CASR: variants seen among roughly 807,000 people sequenced by gnomAD.
CASR encodes the protein calcium sensing receptor.
In CASR, 23 loss-of-function variants were observed where a neutral mutation model predicts 69.1. That is an observed-to-expected ratio of 0.33 (90% CI 0.24 to 0.47). The LOEUF (loss-of-function observed/expected upper bound fraction) is 0.47. Ranked by LOEUF, CASR falls within the 20% of genes least tolerant of loss-of-function variation. CASR has a pLI of 1.00. For missense variants in CASR, 924 were observed against 1,356.1 expected (o/e 0.68, Z 5.00); for synonymous variants, 541 against 544.7 (o/e 0.99, Z 0.10).
At chr3:122,185,308 C>T (rs905002718) in intron 1 of CASR, among the ~76,000 whole-genome samples, 1 of 152,146 alleles carries the variant, frequency 6.6e-6, no homozygotes, top group African/African-American at 2.4e-5. Flanking sequence ...ATTCTTTATC[C>T]AGAAAATGAT....
chr3:122,269,801 A>G (rs1056559403), intron 4 of CASR, among the ~76,000 whole-genome samples: 3 of 151,942 alleles, frequency 2.0e-5, no homozygotes, highest in African/African-American at 7.3e-5. Context: ...CTTTGGCAGC[A>G]CTCATCAGTG....
At position 122,234,108 on chromosome 3, in the gene CASR, A is replaced by G. The variant is rs189843848; in HGVS notation, c.-242-19840A>G. Reference sequence around the variant, plus strand: ...CACATCAGGCGCATAACTGTTTCCAAAGTCATGGAAATGTCCAGTTCATGG... The same window carrying G: ...CACATCAGGCGCATAACTGTTTCCAGAGTCATGGAAATGTCCAGTTCATGG... On this transcript the variant is annotated intron_variant, in intron 1 of 6. Transcript: ENST00000639785. Among the ~76,000 whole-genome samples, 317 of 152,330 alleles carry G rather than the reference A, an allele frequency of 2.1e-3. 1 individual carries two copies. Among genetic ancestry groups the G allele is most frequent in the African/African-American group, 7.4e-3 (309 of 41,568 alleles).
intron 1 of CASR, among the ~76,000 whole-genome samples, chr3:122,201,166 T>A (rs1469438112): frequency 6.6e-6 from 1 of 152,182 alleles, no homozygotes; most frequent in African/African-American, 2.4e-5. Context: ...AGTGTTTGTG[T>A]CCCTGGGTAC....
intron 1 of CASR, among the ~76,000 whole-genome samples, chr3:122,237,420 T>C (rs936541566): frequency 1.3e-5 from 2 of 152,158 alleles, no homozygotes; most frequent in Admixed American, 6.5e-5. Flanking sequence ...GTCTTTAAAA[T>C]TCCACAGAGC....
intron 1 of CASR, among the ~76,000 whole-genome samples, chr3:122,226,711 T>A (rs150726534): frequency 0.021 from 3,228 of 152,238 alleles, 102 homozygotes; most frequent in African/African-American, 0.074. Context: ...CACAGAGTGC[T>A]GATTGGTGCA....
At chr3:122,201,008 T>A (rs1287915880) in intron 1 of CASR, among the ~76,000 whole-genome samples, 5 of 147,078 alleles carry the variant, frequency 3.4e-5, no homozygotes, top group Admixed American at 2.7e-4. Context: ...TTTTTTTATT[T>A]TTTTTTTTTT....
intron 1 of CASR, among the ~76,000 whole-genome samples, chr3:122,201,651 ACGGGGCGGC>A (rs1559935886): frequency 2.4e-5 from 2 of 82,168 alleles, no homozygotes; most frequent in African/African-American, 3.8e-5. Flanking sequence ...TCCCTCCCGG[ACGGGGCGGC>A]TGGCCAGGCG....
At chr3:122,191,287 A>C (rs931848382) in intron 1 of CASR, among the ~76,000 whole-genome samples, 1 of 152,122 alleles carries the variant, frequency 6.6e-6, no homozygotes, top group African/African-American at 2.4e-5. Context: ...TAAACATTTA[A>C]AATACTTGGG....
intron 1 of CASR, among the ~76,000 whole-genome samples, chr3:122,193,874 G>C (rs962218915): frequency 6.6e-6 from 1 of 152,042 alleles, no homozygotes; most frequent in Non-Finnish European, 1.5e-5. Flanking sequence ...TGACAACCCC[G>C]AAAGGAGGGT....
rs768660050 is a variant in CASR at position 122,283,797 on chromosome 3, G to T, written c.1843G>T (p.Ala615Ser). 1 of 1,614,036 alleles carries T rather than the reference G, an allele frequency of 6.2e-7. No homozygotes were observed. The highest frequency in any genetic ancestry group is 8.5e-7 in the Non-Finnish European group (1 of 1,179,982). Reference sequence around the variant, plus strand: ...GTCGTGGACGGAGCCCTTTGGGATCGCACTCACCCTCTTTGCCGTGCTGGG... The same window carrying T: ...GTCGTGGACGGAGCCCTTTGGGATCTCACTCACCCTCTTTGCCGTGCTGGG... ...FLSWTEPFGI[A>S]LTLFAVLGIF... The change falls in exon 7 of 7, where the codon GCA becomes TCA. Residue 615 changes from alanine to serine, a missense_variant. By Grantham distance (99) the Ala-to-Ser change is moderately conservative (BLOSUM62 1). Transcript: ENST00000639785.
chr3:122,264,109 G>GAAAAAAAAAAAAAAAAAAAAAA (rs35559285), intron 4 of CASR, among the ~76,000 whole-genome samples: 1 of 145,682 alleles, frequency 6.9e-6, no homozygotes. Context: ...GGACCTGTGA[G>GAAAAAAAAAAAAAAAAAAAAAA]AAAAAAAAAA....
intron 1 of CASR, among the ~76,000 whole-genome samples, chr3:122,243,158 G>A (rs1312787424): frequency 6.6e-6 from 1 of 152,056 alleles, no homozygotes; most frequent in African/African-American, 2.4e-5. Flanking sequence ...GGCAGCCAAA[G>A]CAAAACTGGA....
chr3:122,225,238 C>T (rs943423285), intron 1 of CASR, among the ~76,000 whole-genome samples: 1 of 151,906 alleles, frequency 6.6e-6, no homozygotes, highest in Non-Finnish European at 1.5e-5. Flanking sequence ...AAGGGAAGAG[C>T]TGCTTTCTGC....
In CASR at chr3:122,284,294, C is replaced by T; in HGVS notation, c.2340C>T (p.Thr780=). 6.2e-7 allele frequency: 1 copy of T among 1,614,172 alleles called. No homozygotes were observed. The highest frequency in any genetic ancestry group is 1.3e-5 in the African/African-American group (1 of 75,064). The change falls in exon 7 of 7, where the codon ACC becomes ACT. Residue 780 remains threonine, a synonymous_variant. Transcript: ENST00000639785. ...LMALGFLIGY[T]CLLAAICFFF... is the part of the protein sequence containing the mutation. The stretch of plus-strand genomic sequence containing the variant: ...CCCTGGGCTTCCTGATCGGCTACAC[C>T]TGCCTGCTGGCTGCCATCTGCTTCT...
chr3:122,209,510 G>A (rs2074041227), intron 1 of CASR, among the ~76,000 whole-genome samples: 1 of 152,218 alleles, frequency 6.6e-6, no homozygotes. Flanking sequence ...GATGGTGTCA[G>A]ACAAAGAGAG....
Position 122,286,753 on chromosome 3 carries a change from G to A in CASR, c.*1562G>A, listed in dbSNP as rs1021765913. 2.0e-5 allele frequency: 3 copies of A among 152,226 alleles called. No homozygotes were observed. The highest frequency in any genetic ancestry group is 7.2e-5 in the African/African-American group (3 of 41,446). 9.4% of individuals were successfully genotyped at this position (152,226 alleles called of 1,614,324 possible). On this transcript the variant is annotated 3_prime_UTR_variant, in exon 7 of 7. Transcript: ENST00000639785. ...TCAGGGCCTGGACCTCCAGCATCCA[G>A]GGAAGACCATCACCAGTCTAGCAGG...
chr3:122,262,420 C>T lies in CASR; in HGVS notation c.1377+8C>T, dbSNP rs779350218. On this transcript the variant is annotated splice_region_variant and intron_variant, in intron 4 of 6. Transcript: ENST00000639785. ...AAAGTTGAGGCGTGGCAGGTGCGTC[C>T]TTCACTTATATAGCAATTTGCTGTA... 1 of 1,609,250 alleles carries T rather than the reference C, an allele frequency of 6.2e-7. No individual in the cohort carries two copies. The highest frequency in any genetic ancestry group is 1.1e-5 in the South Asian group (1 of 91,074).
At chr3:122,185,970 G>A (rs947055204) in intron 1 of CASR, among the ~76,000 whole-genome samples, 7 of 108,360 alleles carry the variant, frequency 6.5e-5, no homozygotes, top group Non-Finnish European at 1.2e-4. Context: ...GACCACACAT[G>A]CGAGTTACTT....
chr3:122,217,301 T>C (rs1337025124), intron 1 of CASR, among the ~76,000 whole-genome samples: 1 of 152,102 alleles, frequency 6.6e-6, no homozygotes, highest in East Asian at 1.9e-4. Context: ...AGGGTCTTTC[T>C]TTGTTGCCCA....
Sources: gnomAD v4.1 joint callset for allele counts (sites outside exome capture counted in the v4.1 genomes callset) on GRCh38, gnomAD v4.1.1 for gene constraint, MANE v1.5 for transcripts, NCBI Gene and HGNC (gene_info 2026-07-23, HGNC 2026-07-21) for gene names.